Variants in RIC3 observed in about 807,000 individuals in gnomAD.
The protein encoded by RIC3 is RIC3 acetylcholine receptor chaperone.
RIC3 carries 28 observed loss-of-function variants against 27.3 expected under a neutral mutation model. The ratio of observed to expected loss-of-function variants is 1.02; its 90% confidence interval spans 0.76 to 1.41. The LOEUF is 1.41. RIC3 is among the 40% of genes most tolerant of loss of function. The pLI is 0.00. For missense variants in RIC3, 501 were observed against 444.7 expected (o/e 1.13, Z -1.14); for synonymous variants, 184 against 160.4 (o/e 1.15, Z -1.11).
intron 1 of RIC3, among the ~76,000 whole-genome samples, chr11:8,145,735 G>A (rs1187526233): frequency 6.6e-6 from 1 of 151,880 alleles, no homozygotes; most frequent in African/African-American, 2.4e-5. Context: ...CCAACTACCA[G>A]AAAGGAATCT....
At chr11:8,129,549 AG>A (rs61332080) in intron 4 of RIC3, among the ~76,000 whole-genome samples, 5,367 of 152,290 alleles carry the variant, frequency 0.035, 119 homozygotes, top group Middle Eastern at 0.078. Flanking sequence ...CTGCATGAAC[AG>A]GAAGACCAGA....
At chr11:8,161,800 G>A (rs936414559) in intron 1 of RIC3, among the ~76,000 whole-genome samples, 4 of 151,934 alleles carry the variant, frequency 2.6e-5, no homozygotes, top group Non-Finnish European at 5.9e-5. Flanking sequence ...GAGGCCAGGA[G>A]TTCCAGGCCA....
intron 4 of RIC3, among the ~76,000 whole-genome samples, chr11:8,134,597 T>A (rs1398998098): frequency 2.0e-5 from 3 of 152,166 alleles, no homozygotes; most frequent in African/African-American, 7.2e-5. Context: ...GTTGAACTAG[T>A]TTATAGTCCC....
intron 1 of RIC3, chr11:8,153,491 C>T (rs911620922): frequency 7.0e-6 from 3 of 430,706 alleles, no homozygotes; most frequent in African/African-American, 4.1e-5. Flanking sequence ...CTGAATAAAT[C>T]CTTGTCAAAT....
intron 4 of RIC3, among the ~76,000 whole-genome samples, chr11:8,134,406 C>T (rs3930849): frequency 0.14 from 21,909 of 152,082 alleles, 1,877 homozygotes; most frequent in African/African-American, 0.23. Context: ...TGATGGACAT[C>T]TGGGTTGGTT....
intron 1 of RIC3, among the ~76,000 whole-genome samples, chr11:8,149,865 C>A (rs2134088805): frequency 6.6e-6 from 1 of 152,296 alleles, no homozygotes; most frequent in East Asian, 1.9e-4. Flanking sequence ...CTGCTATCAA[C>A]CAACCACCTG....
chr11:8,123,998 G>A (rs1388941288), intron 5 of RIC3, among the ~76,000 whole-genome samples: 2 of 150,718 alleles, frequency 1.3e-5, no homozygotes, highest in Admixed American at 1.3e-4. Flanking sequence ...TTGAGCCCAG[G>A]AGATCAAACA....
chr11:8,128,770 T>G (rs1184696282), intron 4 of RIC3, among the ~76,000 whole-genome samples: 2 of 146,860 alleles, frequency 1.4e-5, no homozygotes, highest in East Asian at 3.9e-4. Context: ...TTTTTTTTTT[T>G]TTTTGAGATG....
chr11:8,135,165 T>A (rs188848120), intron 4 of RIC3, among the ~76,000 whole-genome samples: 1 of 152,122 alleles, frequency 6.6e-6, no homozygotes, highest in Non-Finnish European at 1.5e-5. Flanking sequence ...TTGTATAAGG[T>A]GTAAGGAAGG....
At chr11:8,114,752 C>T (rs566954705) in intron 5 of RIC3, among the ~76,000 whole-genome samples, 2 of 151,484 alleles carry the variant, frequency 1.3e-5, no homozygotes, top group South Asian at 4.2e-4. Context: ...CAATAAATAA[C>T]TAAAACAAAA....
rs1055312129 is a variant in RIC3 at position 8,157,875 on chromosome 11, T to A, written c.124+10991A>T. Among the ~76,000 whole-genome samples, 3 of 152,160 alleles carry A rather than the reference T, an allele frequency of 2.0e-5. 1 individual carries two copies. Among genetic ancestry groups the A allele is most frequent in the African/African-American group, 7.2e-5 (3 of 41,422 alleles). ...TTCTAAACTTGAAAAAATGCCTAAT[T>A]TACACGCATTCATGGGCTCTCAAAT... is the stretch of plus-strand genomic sequence containing the variant. On this transcript the variant is annotated intron_variant, in intron 1 of 5. Transcript: ENST00000309737.
Position 8,109,046 on chromosome 11 carries a change from A to C in RIC3, c.*1652T>G, listed in dbSNP as rs1944965630. On this transcript the variant is annotated 3_prime_UTR_variant, in exon 6 of 6. Transcript: ENST00000309737. Reference sequence around the variant, plus strand: ...AACTGCATTCTTCACAATGTGAATCAAATGTTCTACACAGAGATAGATGCA... The same window carrying C: ...AACTGCATTCTTCACAATGTGAATCCAATGTTCTACACAGAGATAGATGCA... The C allele has an allele frequency of 6.6e-6, 1 of 152,242 alleles. No homozygotes were observed. The allele number at this position is 152,242 out of a possible 1,614,324, so 9.4% of individuals were successfully genotyped here.
the RIC3 span, chr11:8,100,900 TGTCTGGAATGATGACACACA>T: frequency 6.2e-7 from 1 of 1,614,058 alleles, no homozygotes; most frequent in Non-Finnish European, 8.5e-7. Context: ...ACAAGACACC[TGTCTGGAATGATGACACACA>T]GTCCTATGTA....
chr11:8,118,986 T>C (rs183483501), intron 5 of RIC3, among the ~76,000 whole-genome samples: 2 of 151,200 alleles, frequency 1.3e-5, no homozygotes, highest in East Asian at 3.9e-4. Context: ...GATAAAGAAA[T>C]GGAAATTATG....
At chr11:8,116,100 TGGTCA>T (rs982511579) in intron 5 of RIC3, among the ~76,000 whole-genome samples, 2 of 152,160 alleles carry the variant, frequency 1.3e-5, no homozygotes, top group African/African-American at 4.8e-5. Flanking sequence ...CACATATTTA[TGGTCA>T]ATTTTTTTAA....
At chr11:8,153,250 G>A (rs1296441809) in intron 1 of RIC3, 4 of 322,156 alleles carry the variant, frequency 1.2e-5, no homozygotes, top group South Asian at 1.0e-4. Flanking sequence ...TTACTGCTGA[G>A]CACTTAACAA....
At chr11:8,142,240 T>C (rs1437514223) in intron 1 of RIC3, among the ~76,000 whole-genome samples, 3 of 134,876 alleles carry the variant, frequency 2.2e-5, no homozygotes, top group Non-Finnish European at 4.6e-5. Context: ...ATCCAGGAGC[T>C]GGTTTTTTGA....
downstream of RIC3, chr11:8,102,655 A>G (rs1235876844): frequency 6.6e-6 from 1 of 152,234 alleles, no homozygotes; most frequent in Non-Finnish European, 1.5e-5. Flanking sequence ...CAGCCAAGTC[A>G]TGGTTGGTAA....
chr11:8,141,038 A>T lies in RIC3; in HGVS notation c.125-845T>A, dbSNP rs374522073. On this transcript the variant is annotated intron_variant, in intron 1 of 5. Coordinates refer to ENST00000309737, the MANE Select transcript of RIC3 (RefSeq NM_001206671.4). ...AAAGAGCTCCTGAAGGAAGCGCTAA[A>T]CATGGAAAGGAACAACCGGTACCAG... is the stretch of plus-strand genomic sequence containing the variant. 6.7e-5 allele frequency among the ~76,000 whole-genome samples: 10 copies of T among 150,014 alleles called. No individual in the cohort carries two copies. In the East Asian group the frequency reaches 1.2e-3, roughly 18 times the overall value.
Sources: gnomAD v4.1 joint callset for allele counts (sites outside exome capture counted in the v4.1 genomes callset) on GRCh38, gnomAD v4.1.1 for gene constraint, MANE v1.5 for transcripts, NCBI Gene and HGNC (gene_info 2026-07-23, HGNC 2026-07-21) for gene names.